RAB38: variants seen among roughly 807,000 people sequenced by gnomAD.
The protein encoded by RAB38 is RAB38, member RAS oncogene family, also known as ras-related protein Rab-38.
In RAB38, 15 loss-of-function variants were observed where a neutral mutation model predicts 18.4. The ratio of observed to expected loss-of-function variants is 0.82; its 90% CI spans 0.55 to 1.26. The LOEUF (loss-of-function observed/expected upper bound fraction) is 1.26. Among genes scored for constraint, RAB38 ranks in the 50% most tolerant of loss-of-function variants. The pLI, the probability that RAB38 is intolerant of heterozygous loss-of-function variation, is 0.00. For synonymous variants in RAB38, 101 were observed against 104.4 expected (o/e 0.97, Z 0.20); for missense variants, 294 against 267.4 (o/e 1.10, Z -0.69).
At chr11:88,147,981 G>T (rs571566742) in intron 2 of RAB38, among the ~76,000 whole-genome samples, 29 of 152,140 alleles carry the variant, frequency 1.9e-4, no homozygotes, top group Non-Finnish European at 3.8e-4. Flanking sequence ...CCTTTCAGTT[G>T]TGCTGTCTCC....
At chr11:88,170,231 G>A (rs1248518280) in intron 1 of RAB38, among the ~76,000 whole-genome samples, 1 of 152,224 alleles carries the variant, frequency 6.6e-6, no homozygotes, top group East Asian at 1.9e-4. Context: ...GTTATTTTAC[G>A]TGGCATTTAG....
the RAB38 span, among the ~76,000 whole-genome samples, chr11:87,918,230 A>G: frequency 6.6e-6 from 1 of 152,128 alleles, no homozygotes; most frequent in African/African-American, 2.4e-5. Context: ...CCTTCTTTGT[A>G]TAGCTGAATA....
At chr11:88,060,340 C>G in the RAB38 span, 1 of 152,162 alleles carries the variant, frequency 6.6e-6, no homozygotes, top group African/African-American at 2.4e-5. Context: ...TTACGTCAGA[C>G]AGACTTTAAA....
intron 2 of RAB38, among the ~76,000 whole-genome samples, chr11:88,146,761 C>A (rs1485222566): frequency 6.6e-6 from 1 of 152,220 alleles, no homozygotes; most frequent in Admixed American, 6.5e-5. Context: ...TTCAGAAGGA[C>A]AACCTCAATA....
the RAB38 span, among the ~76,000 whole-genome samples, chr11:87,867,136 C>T: frequency 6.6e-6 from 1 of 151,704 alleles, no homozygotes; most frequent in African/African-American, 2.4e-5. Flanking sequence ...TCCAGATGAA[C>T]AGAAATCCAG....
the RAB38 span, among the ~76,000 whole-genome samples, chr11:87,964,348 A>C: frequency 2.0e-5 from 3 of 152,108 alleles, no homozygotes; most frequent in Admixed American, 6.6e-5. Context: ...TTAGCAGGTT[A>C]GTCTGGACTT....
the RAB38 span, among the ~76,000 whole-genome samples, chr11:88,034,144 A>G: frequency 6.6e-6 from 1 of 152,334 alleles, no homozygotes; most frequent in African/African-American, 2.4e-5. Context: ...AAATGGAGTT[A>G]TACTGTATGT....
the RAB38 span, among the ~76,000 whole-genome samples, chr11:87,807,807 A>T: frequency 6.6e-6 from 1 of 152,206 alleles, no homozygotes; most frequent in Admixed American, 6.5e-5. Flanking sequence ...TGAGGAGAGT[A>T]GTTCTGATAG....
chr11:87,853,577 G>C, the RAB38 span, among the ~76,000 whole-genome samples: 1 of 152,192 alleles, frequency 6.6e-6, no homozygotes, highest in Non-Finnish European at 1.5e-5. Flanking sequence ...ACAAATACAA[G>C]GTAGAAGCAG....
the RAB38 span, among the ~76,000 whole-genome samples, chr11:88,090,934 A>G: frequency 6.6e-6 from 1 of 151,958 alleles, no homozygotes. Flanking sequence ...TTTCACAAAC[A>G]TGTGTCCTGC....
the RAB38 span, among the ~76,000 whole-genome samples, chr11:87,854,570 C>T: frequency 3.3e-5 from 5 of 152,008 alleles, no homozygotes; most frequent in Non-Finnish European, 5.9e-5. Flanking sequence ...CAAGTAAAGA[C>T]ATGATAAATG....
At chr11:88,159,122 A>ATGCCT (rs1240256149) in intron 1 of RAB38, among the ~76,000 whole-genome samples, 2 of 151,920 alleles carry the variant, frequency 1.3e-5, no homozygotes, top group Non-Finnish European at 2.9e-5. Flanking sequence ...ATGTATAAAA[A>ATGCCT]TCAATAGCAT....
the RAB38 span, among the ~76,000 whole-genome samples, chr11:87,809,239 T>C: frequency 2.0e-5 from 3 of 152,164 alleles, no homozygotes; most frequent in Non-Finnish European, 1.5e-5. Context: ...ATCTAAAATA[T>C]AAGGATATAG....
At chr11:87,897,283 TA>T in the RAB38 span, among the ~76,000 whole-genome samples, 1 of 151,628 alleles carries the variant, frequency 6.6e-6, no homozygotes, top group African/African-American at 2.4e-5. Flanking sequence ...TACCTGCTGA[TA>T]CTTTTATTAA....
intron 2 of RAB38, among the ~76,000 whole-genome samples, chr11:88,118,510 G>T (rs531305210): frequency 6.6e-6 from 1 of 152,308 alleles, no homozygotes; most frequent in South Asian, 2.1e-4. Context: ...TTTTCTGGGT[G>T]ATTGTATAGA....
At chr11:88,118,026 C>T (rs35180329) in intron 2 of RAB38, among the ~76,000 whole-genome samples, 27,554 of 152,082 alleles carry the variant, frequency 0.18, 3,045 homozygotes, top group Middle Eastern at 0.26. Context: ...ATTGGGATGG[C>T]CAGCTGTGAG....
intron 2 of RAB38, among the ~76,000 whole-genome samples, chr11:88,146,856 GA>G (rs1942993598): frequency 6.6e-6 from 1 of 152,164 alleles, no homozygotes. Context: ...ATTAGCTTGT[GA>G]AATCTCATGT....
At chr11:88,056,532 C>A in the RAB38 span, among the ~76,000 whole-genome samples, 1 of 152,088 alleles carries the variant, frequency 6.6e-6, no homozygotes, top group African/African-American at 2.4e-5. Context: ...GGGCCCGGCG[C>A]AGTGGCTCAC....
intron 1 of RAB38, among the ~76,000 whole-genome samples, chr11:88,160,454 C>T (rs1943177029): frequency 6.6e-6 from 1 of 152,010 alleles, no homozygotes; most frequent in Admixed American, 6.6e-5. Context: ...GAACTACTTA[C>T]TAGTCAATCC....
Sources: gnomAD v4.1 joint callset for allele counts (sites outside exome capture counted in the v4.1 genomes callset) on GRCh38, gnomAD v4.1.1 for gene constraint, MANE v1.5 for transcripts, NCBI Gene and HGNC (gene_info 2026-07-23, HGNC 2026-07-21) for gene names.